The following ABL2 variants were observed in gnomAD, a reference collection of about 807,000 sequenced individuals.
The protein encoded by ABL2 is ABL proto-oncogene 2, non-receptor tyrosine kinase.
ABL2 carries 49 observed loss-of-function variants against 107.7 expected under a neutral mutation model. That is an observed-to-expected ratio of 0.45 (90% CI 0.36 to 0.58). The LOEUF is 0.58. Among genes scored for constraint, ABL2 ranks in the 20% least tolerant of loss-of-function variants. The probability of loss-of-function intolerance (pLI) is 0.00; values close to 1 mark genes in which losing one functional copy is unlikely to be tolerated. For synonymous variants in ABL2, 549 were observed against 548.6 expected (o/e 1.00, Z -0.01); for missense variants, 1,245 against 1,457.0 (o/e 0.85, Z 2.37).
At chr1:179,202,230 G>A (rs1481225445) in intron 1 of ABL2, among the ~76,000 whole-genome samples, 2 of 152,080 alleles carry the variant, frequency 1.3e-5, no homozygotes, top group Non-Finnish European at 2.9e-5. Context: ...GAAAATCTTG[G>A]CTCTTATTTC....
chr1:179,174,911 AAATAAAAAAAAT>A (rs1557975268), intron 1 of ABL2, among the ~76,000 whole-genome samples: 11 of 108,308 alleles, frequency 1.0e-4, no homozygotes, highest in African/African-American at 3.1e-4. Flanking sequence ...AAAAAAAATA[AAATAAAAAAAAT>A]AATAATAATA....
chr1:179,152,566 T>C (rs1243995197), intron 1 of ABL2, among the ~76,000 whole-genome samples: 2 of 152,158 alleles, frequency 1.3e-5, no homozygotes, highest in African/African-American at 4.8e-5. Context: ...ATGTGTGCGT[T>C]TGTGTTTGTG....
intron 1 of ABL2, among the ~76,000 whole-genome samples, chr1:179,199,294 T>A (rs896204316): frequency 6.6e-6 from 1 of 152,202 alleles, no homozygotes; most frequent in African/African-American, 2.4e-5. Context: ...GCCTCTTCCA[T>A]CCTCTAAATG....
chr1:179,109,296 C>T lies in ABL2; in HGVS notation c.1971G>A (p.Met657Ile). 6.2e-7 allele frequency: 1 copy of T among 1,614,076 alleles called. No homozygotes were observed. The highest frequency in any genetic ancestry group is 8.5e-7 in the Non-Finnish European group (1 of 1,180,000). Residue 657 changes from methionine (M) to isoleucine (I), a missense_variant, in exon 12 of 12, where the codon ATG (methionine) becomes ATA (isoleucine). Met to Ile is a conservative substitution (Grantham distance 10). Around this residue, in one of 3 missense-constraint regions of ABL2, gnomAD observed 761 missense variants for 766.4 expected, o/e 0.99. Coordinates refer to ENST00000502732, the MANE Select transcript of ABL2 (RefSeq NM_007314.4). ...GGGGTGTAGGAGCATTTCTCTTCTT[C>T]ATGAAGGAGCTGAAGAAGCCCCCCT... ...DRKGGFFSSF[M>I]KKRNAPTPPK... is the part of the protein sequence containing the mutation.
intron 1 of ABL2, among the ~76,000 whole-genome samples, chr1:179,181,650 C>G (rs1400245599): frequency 6.6e-6 from 1 of 152,180 alleles, no homozygotes; most frequent in Non-Finnish European, 1.5e-5. Flanking sequence ...TCATGCAACT[C>G]TTTTTGAATA....
chr1:179,151,171 A>C (rs907862374), intron 1 of ABL2, among the ~76,000 whole-genome samples: 1 of 152,182 alleles, frequency 6.6e-6, no homozygotes, highest in African/African-American at 2.4e-5. Context: ...CCAAACTTGC[A>C]ATATCTCCAA....
At chr1:179,170,449 T>C (rs181322246) in intron 1 of ABL2, among the ~76,000 whole-genome samples, 24 of 152,090 alleles carry the variant, frequency 1.6e-4, no homozygotes, top group South Asian at 1.5e-3. Context: ...CAGACTCTTA[T>C]TCTGTCACCC....
intron 4 of ABL2, among the ~76,000 whole-genome samples, chr1:179,122,814 T>C (rs1309426730): frequency 6.6e-6 from 1 of 151,964 alleles, no homozygotes; most frequent in Admixed American, 6.6e-5. Context: ...CCATCACGCC[T>C]GGCTAATTTT....
At chr1:179,130,642 G>A (rs951577562) in intron 3 of ABL2, among the ~76,000 whole-genome samples, 1 of 152,054 alleles carries the variant, frequency 6.6e-6, no homozygotes, top group Non-Finnish European at 1.5e-5. Flanking sequence ...ATATTCTCAA[G>A]AGAGTGGTAG....
intron 1 of ABL2, among the ~76,000 whole-genome samples, chr1:179,169,961 A>G (rs1659624843): frequency 6.6e-6 from 1 of 152,072 alleles, no homozygotes; most frequent in Admixed American, 6.6e-5. Flanking sequence ...CAGGATTTTA[A>G]GGCTGCAGTG....
chr1:179,124,908 G>C (rs1655596667), intron 4 of ABL2, among the ~76,000 whole-genome samples: 1 of 152,104 alleles, frequency 6.6e-6, no homozygotes, highest in African/African-American at 2.4e-5. Flanking sequence ...ATGGTTTTTA[G>C]CATATTCTCA....
chr1:179,099,480 A>T lies in ABL2; in HGVS notation c.*8238T>A, dbSNP rs977511152. 1.8e-5 allele frequency: 4 copies of T among 221,688 alleles called. No individual in the cohort carries two copies. Among genetic ancestry groups the T allele is most frequent in the Non-Finnish European group, 3.6e-5 (4 of 110,912 alleles). 13.7% of individuals were successfully genotyped at this position (221,688 alleles called of 1,614,324 possible). On this transcript the variant is annotated 3_prime_UTR_variant, in exon 12 of 12. Coordinates refer to ENST00000502732, the MANE Select transcript of ABL2 (RefSeq NM_007314.4). ...CAGTTCACAGTCAGACAACAGACGG[A>T]GAGAATTAAATTAGAAAAACAACTG...
chr1:179,129,892 A>G (rs1216104305), intron 3 of ABL2, among the ~76,000 whole-genome samples: 1 of 152,192 alleles, frequency 6.6e-6, no homozygotes, highest in Non-Finnish European at 1.5e-5. Flanking sequence ...ACAATTGGCC[A>G]GCACATGCAA....
intron 1 of ABL2, among the ~76,000 whole-genome samples, chr1:179,214,189 T>C (rs1662436787): frequency 6.6e-6 from 1 of 151,858 alleles, no homozygotes; most frequent in South Asian, 2.1e-4. Flanking sequence ...TGAAAAAGAT[T>C]TTACTGAGGG....
chr1:179,109,034 A>ACCCCC lies in ABL2; in HGVS notation c.2232_2233insGGGGG (p.Trp745GlyfsTer14). 1 of 1,431,936 alleles carries ACCCCC rather than the reference A, an allele frequency of 7.0e-7. No individual in the cohort carries two copies. Among genetic ancestry groups the ACCCCC allele is most frequent in the Non-Finnish European group, 9.5e-7 (1 of 1,047,490 alleles). The allele number at this position is 1,431,936 out of a possible 1,614,324, so 88.7% of individuals were successfully genotyped here. A position where few individuals can be genotyped will look rare whatever the true frequency, so the allele number is the denominator to read the frequency against. On this transcript the variant is annotated frameshift_variant, in exon 12 of 12. Transcript: ENST00000502732. LOFTEE classifies it high-confidence loss of function. ...GTAAAGAAGCCTGTGATGCCAGACC[A>ACCCCC]CCCACCCCCAGCAGTGCCACTGCCC...
At chr1:179,223,385 C>T (rs558847340) in intron 1 of ABL2, among the ~76,000 whole-genome samples, 10 of 151,012 alleles carry the variant, frequency 6.6e-5, no homozygotes, top group Non-Finnish European at 1.2e-4. Flanking sequence ...AGCACTCCAG[C>T]CTAGGCAACA....
chr1:179,229,655 ACCG>A lies in ABL2; in HGVS notation c.-261_-259del. The stretch of plus-strand genomic sequence containing the variant: ...CAACGCCGCCGCCGCCGCCGCCGCC[ACCG>A]CCGCCGCCATCTTTAAACCACCGAG... On this transcript the variant is annotated 5_prime_UTR_variant, in exon 1 of 12. Transcript: ENST00000502732. The A allele has an allele frequency of 2.7e-6, 1 of 363,750 alleles. No homozygotes were observed. Among genetic ancestry groups the A allele is most frequent in the South Asian group, 3.6e-5 (1 of 27,772 alleles). The allele number at this position is 363,750 out of a possible 1,614,324, so 22.5% of individuals were successfully genotyped here. A position where few individuals can be genotyped will look rare whatever the true frequency, so the allele number is the denominator to read the frequency against.
chr1:179,116,289 G>A (rs910861372), intron 8 of ABL2, among the ~76,000 whole-genome samples: 11 of 152,144 alleles, frequency 7.2e-5, no homozygotes, highest in Admixed American at 1.3e-4. Flanking sequence ...CAGGAGAATC[G>A]CTTGAACCCG....
Position 179,103,428 on chromosome 1 carries a change from C to CAT in ABL2, c.*4288_*4289dup, listed in dbSNP as rs1266209078. 9.8e-6 allele frequency: 2 copies of CAT among 203,058 alleles called. No individual in the cohort carries two copies. Among genetic ancestry groups the CAT allele is most frequent in the African/African-American group, 4.6e-5 (2 of 43,636 alleles). The allele number at this position is 203,058 out of a possible 1,614,324, so 12.6% of individuals were successfully genotyped here. On this transcript the variant is annotated 3_prime_UTR_variant, in exon 12 of 12. Coordinates refer to ENST00000502732, the MANE Select transcript of ABL2 (RefSeq NM_007314.4). ...AGTTGATATTTTCTCAAAGTGCTGTCATATACATTATCTCATAGTCATTAA... is the reference window on the plus strand; with the variant it reads ...AGTTGATATTTTCTCAAAGTGCTGTCATATATACATTATCTCATAGTCATTAA...
Sources: gnomAD v4.1 joint callset for allele counts (sites outside exome capture counted in the v4.1 genomes callset) on GRCh38, gnomAD v4.1.1 for gene constraint, gnomAD v4.1.1 regional missense constraint, MANE v1.5 for transcripts, NCBI Gene and HGNC (gene_info 2026-07-23, HGNC 2026-07-21) for gene names.